The following ALCAM variants were observed in gnomAD, a reference collection of about 807,000 sequenced individuals.
ALCAM encodes activated leukocyte cell adhesion molecule.
ALCAM carries 30 observed loss-of-function variants against 70.9 expected under a neutral mutation model. The observed-to-expected ratio is 0.42, with a 90% CI of 0.32 to 0.57. The LOEUF is 0.57. Among genes scored for constraint, ALCAM ranks in the 20% least tolerant of loss-of-function variants. ALCAM has a pLI of 0.11. For missense variants in ALCAM, 591 were observed against 695.1 expected, an observed-to-expected ratio of 0.85 and a Z score of 1.68; for synonymous variants, 249 against 242.5, an observed-to-expected ratio of 1.03 and a Z score of -0.25.
intron 14 of ALCAM, among the ~76,000 whole-genome samples, chr3:105,555,719 C>T (rs1163782966): frequency 6.7e-6 from 1 of 149,570 alleles, no homozygotes; most frequent in East Asian, 1.9e-4. Context: ...CCTTATTCCA[C>T]TAATAGAAGC....
intron 1 of ALCAM, among the ~76,000 whole-genome samples, chr3:105,414,151 C>T (rs1576147134): frequency 6.6e-6 from 1 of 151,750 alleles, no homozygotes; most frequent in Non-Finnish European, 1.5e-5. Context: ...GTATTCCCAG[C>T]ACTTTGGGAG....
chr3:105,367,447 C>T lies in ALCAM; in HGVS notation c.39C>T (p.Phe13=). The change falls in exon 1 of 16, where the codon TTC becomes TTT. Residue 13 remains phenylalanine (F), a synonymous_variant. Coordinates refer to ENST00000306107, the MANE Select transcript of ALCAM (RefSeq NM_001627.4). ...GGGCCAGTTCCTGCCGTCTGCTCTTCTGCCTCTTGATCTCCGCCACCGTCT... is the reference window on the plus strand; with the variant it reads ...GGGCCAGTTCCTGCCGTCTGCTCTTTTGCCTCTTGATCTCCGCCACCGTCT... ...SKGASSCRLL[F]CLLISATVFR... 6.2e-7 allele frequency: 1 copy of T among 1,614,028 alleles called. No homozygotes were observed. Among genetic ancestry groups the T allele is most frequent in the Non-Finnish European group, 8.5e-7 (1 of 1,179,938 alleles).
At chr3:105,488,739 G>A (rs1378333903) in intron 1 of ALCAM, among the ~76,000 whole-genome samples, 2 of 149,758 alleles carry the variant, frequency 1.3e-5, no homozygotes, top group Admixed American at 1.3e-4. Context: ...AGGAGGGAGG[G>A]GAGGAAGGAG....
At chr3:105,520,031 CTT>C in intron 1 of ALCAM, 34 bp from the exon 2 acceptor site, 1 of 1,420,786 alleles carries the variant, frequency 7.0e-7, no homozygotes, top group Non-Finnish European at 9.7e-7. Flanking sequence ...TTCTCTCTCT[CTT>C]TCTCTCTTCT....
intron 1 of ALCAM, 45 bp downstream of exon 1, chr3:105,367,526 A>G: frequency 6.2e-7 from 1 of 1,608,258 alleles, no homozygotes; most frequent in Non-Finnish European, 8.5e-7. Flanking sequence ...GTGGGCCTGG[A>G]GCAGTTTCCT....
intron 1 of ALCAM, among the ~76,000 whole-genome samples, chr3:105,495,943 C>T (rs1042827489): frequency 3.9e-5 from 6 of 152,112 alleles, no homozygotes; most frequent in South Asian, 2.1e-4. Context: ...TTCTCAAAGC[C>T]CAAATAGTTC....
At chr3:105,537,082 A>G (rs937530355) in intron 6 of ALCAM, among the ~76,000 whole-genome samples, 1 of 152,072 alleles carries the variant, frequency 6.6e-6, no homozygotes, top group African/African-American at 2.4e-5. Context: ...AGACGAGTCC[A>G]TTTCAAGAAA....
chr3:105,434,202 G>A (rs1324744516), intron 1 of ALCAM, among the ~76,000 whole-genome samples: 1 of 152,102 alleles, frequency 6.6e-6, no homozygotes, highest in Non-Finnish European at 1.5e-5. Flanking sequence ...TGCTAACACA[G>A]AGCTTTTCAT....
intron 1 of ALCAM, among the ~76,000 whole-genome samples, chr3:105,517,875 A>G (rs886607542): frequency 2.0e-5 from 3 of 152,168 alleles, no homozygotes; most frequent in African/African-American, 7.2e-5. Flanking sequence ...GAGTCATTTT[A>G]GTAGGTGCCC....
Position 105,552,143 on chromosome 3 carries a change from G to T in ALCAM, c.1508-1G>T. The stretch of plus-strand genomic sequence containing the variant: ...TTTCATATTAACATTTTTCATTTCA[G>T]TAAGTATTCCAGAACACGATGAGGC... On this transcript the variant is annotated splice_acceptor_variant, in intron 12 of 15. Transcript: ENST00000306107. LOFTEE classifies it high-confidence loss of function. 1 of 1,595,150 alleles carries T rather than the reference G, an allele frequency of 6.3e-7. No individual in the cohort carries two copies. The highest frequency in any genetic ancestry group is 1.8e-5 in the Admixed American group (1 of 56,080).
At chr3:105,438,290 C>T (rs2152581338) in intron 1 of ALCAM, among the ~76,000 whole-genome samples, 1 of 152,134 alleles carries the variant, frequency 6.6e-6, no homozygotes, top group African/African-American at 2.4e-5. Flanking sequence ...TTGCTTTTTA[C>T]ATAATTCCCC....
chr3:105,394,801 C>G (rs1160977377), intron 1 of ALCAM, among the ~76,000 whole-genome samples: 1 of 151,874 alleles, frequency 6.6e-6, no homozygotes, highest in East Asian at 1.9e-4. Flanking sequence ...AGCCATAAAA[C>G]AAGCATGGCA....
intron 1 of ALCAM, among the ~76,000 whole-genome samples, chr3:105,428,383 G>T (rs1936844795): frequency 6.6e-6 from 1 of 151,724 alleles, no homozygotes; most frequent in African/African-American, 2.4e-5. Context: ...AATTTGAAAA[G>T]ATTTTTCTAA....
At chr3:105,523,666 A>G (rs961454488) in intron 2 of ALCAM, among the ~76,000 whole-genome samples, 1 of 152,164 alleles carries the variant, frequency 6.6e-6, no homozygotes, top group South Asian at 2.1e-4. Context: ...TTTGTATGAA[A>G]GACTTTTGAG....
chr3:105,527,608 GAAA>G (rs1157775360), intron 3 of ALCAM, among the ~76,000 whole-genome samples: 1 of 151,068 alleles, frequency 6.6e-6, no homozygotes, highest in African/African-American at 2.4e-5. Context: ...AAAAAAAAAA[GAAA>G]ACAGAGGAGT....
At chr3:105,433,647 C>A (rs1385807079) in intron 1 of ALCAM, among the ~76,000 whole-genome samples, 1 of 150,876 alleles carries the variant, frequency 6.6e-6, no homozygotes, top group Non-Finnish European at 1.5e-5. Context: ...AGGAAGAAGA[C>A]TGAGTAATTA....
rs1202589020 is a variant in ALCAM at position 105,488,138 on chromosome 3, C to G, written c.74-31929C>G. Among the ~76,000 whole-genome samples the G allele has an allele frequency of 2.6e-5, 4 of 152,250 alleles. No homozygotes were observed. In the South Asian group the frequency reaches 8.3e-4, roughly 32 times the overall value. ...CTTTTCCCAACCCTTGTTTTCCTGT[C>G]TCACCATGTGATCTCTGCACACACT... is the stretch of plus-strand genomic sequence containing the variant. On this transcript the variant is annotated intron_variant, in intron 1 of 15. Coordinates refer to ENST00000306107, the MANE Select transcript of ALCAM (RefSeq NM_001627.4).
At chr3:105,368,783 C>G (rs1335365094) in intron 1 of ALCAM, among the ~76,000 whole-genome samples, 2 of 152,052 alleles carry the variant, frequency 1.3e-5, no homozygotes, top group Non-Finnish European at 2.9e-5. Flanking sequence ...GAGGAGTGCC[C>G]TCTCCAGATC....
At chr3:105,484,929 T>C (rs1418239023) in intron 1 of ALCAM, among the ~76,000 whole-genome samples, 1 of 151,998 alleles carries the variant, frequency 6.6e-6, no homozygotes, top group African/African-American at 2.4e-5. Context: ...AAAATTAAAG[T>C]CTGGAAGAAT....
Sources: gnomAD v4.1 joint callset for allele counts (sites outside exome capture counted in the v4.1 genomes callset) on GRCh38, gnomAD v4.1.1 for gene constraint, MANE v1.5 for transcripts, NCBI Gene and HGNC (gene_info 2026-07-23, HGNC 2026-07-21) for gene names.